Variants in GLIS3 observed in about 807,000 individuals in gnomAD.
GLIS3 encodes the protein zinc finger protein GLIS3.
In GLIS3, 53 loss-of-function variants were observed where a neutral mutation model predicts 78.6. The observed-to-expected ratio is 0.67, with a 90% CI of 0.54 to 0.85. The LOEUF (loss-of-function observed/expected upper bound fraction) is 0.85. GLIS3 is among the 40% of genes least tolerant of loss of function. GLIS3 has a pLI of 0.00. For missense variants in GLIS3, 1,703 were observed against 1,231.1 expected (o/e 1.38, Z -5.74); for synonymous variants, 684 against 509.9 (o/e 1.34, Z -4.60).
chr9:4,029,632 T>A (rs541610875), intron 4 of GLIS3, among the ~76,000 whole-genome samples: 2 of 147,424 alleles, frequency 1.4e-5, no homozygotes, highest in East Asian at 2.2e-4. Flanking sequence ...ATGGTAACCA[T>A]CCTTCTATTC....
In GLIS3 at chr9:3,972,024, T is replaced by C. The variant is rs959073355; in HGVS notation, c.1711-34835A>G. Among the ~76,000 whole-genome samples, 4 of 152,300 alleles carry C rather than the reference T, an allele frequency of 2.6e-5. No homozygotes were observed. The East Asian group carries it at 5.8e-4, about 22-fold the overall frequency. ...GGGGCTTTTGTTCAGAAAGGTGTTT[T>C]GGGACACTTACTGCTCACGTAACAC... On this transcript the variant is annotated intron_variant, in intron 4 of 10. Transcript: ENST00000381971.
the GLIS3 span, among the ~76,000 whole-genome samples, chr9:4,438,936 T>A: frequency 6.6e-6 from 1 of 152,190 alleles, no homozygotes; most frequent in African/African-American, 2.4e-5. Context: ...ATACACATGT[T>A]TTGTATAATC....
rs181596632 is a variant in GLIS3 at position 4,126,064 on chromosome 9, T to C, written c.389-123A>G. On this transcript the variant is annotated intron_variant, in intron 2 of 10. Coordinates refer to ENST00000381971, the MANE Select transcript of GLIS3 (RefSeq NM_001042413.2). The stretch of plus-strand genomic sequence containing the variant: ...ACAGTCCTCAGATCATTTTTTTTTT[T>C]AGTATTGGTGATAGCAAAAGGCTTT... The C allele has an allele frequency of 2.0e-4, 151 of 747,516 alleles. No individual in the cohort carries two copies. The East Asian group carries it at 4.0e-3, about 20-fold the overall frequency. 46.3% of individuals were successfully genotyped at this position (747,516 alleles called of 1,614,324 possible).
intron 4 of GLIS3, among the ~76,000 whole-genome samples, chr9:4,094,937 C>T (rs1024578723): frequency 2.6e-5 from 4 of 152,082 alleles, no homozygotes; most frequent in African/African-American, 4.8e-5. Flanking sequence ...TCATGGAGCA[C>T]ATAGTGATGT....
intron 4 of GLIS3, among the ~76,000 whole-genome samples, chr9:4,107,925 G>A (rs917535460): frequency 1.3e-5 from 2 of 151,932 alleles, no homozygotes; most frequent in Non-Finnish European, 2.9e-5. Context: ...AAACCTCTAC[G>A]TATCCATCAT....
chr9:4,283,658 G>C (rs1031644202), intron 2 of GLIS3, among the ~76,000 whole-genome samples: 9 of 152,158 alleles, frequency 5.9e-5, no homozygotes, highest in African/African-American at 1.9e-4. Context: ...TGCATCTCCA[G>C]AACAGTGGCT....
intron 4 of GLIS3, among the ~76,000 whole-genome samples, chr9:3,953,760 G>GCTCCCCCTCTCTCTCTCTCTCTCT: frequency 9.7e-6 from 1 of 103,380 alleles, no homozygotes; most frequent in African/African-American, 3.7e-5. Flanking sequence ...AATTAGATTT[G>GCTCCCCCTCTCTCTCTCTCTCTCT]CTCTCTCTCT....
intron 2 of GLIS3, among the ~76,000 whole-genome samples, chr9:4,168,196 C>T (rs896612393): frequency 4.6e-5 from 7 of 152,054 alleles, no homozygotes; most frequent in Admixed American, 1.3e-4. Context: ...CACACACAGA[C>T]GCACACACAC....
the GLIS3 span, among the ~76,000 whole-genome samples, chr9:4,433,265 C>G: frequency 2.9e-4 from 44 of 152,198 alleles, no homozygotes; most frequent in Non-Finnish European, 5.9e-4. Flanking sequence ...AACCCTGTCT[C>G]TACTAAAAAT....
chr9:4,320,996 T>C (rs2130545920), intron 2 of GLIS3, among the ~76,000 whole-genome samples: 1 of 152,144 alleles, frequency 6.6e-6, no homozygotes, highest in Admixed American at 6.5e-5. Flanking sequence ...GAGAAGGCTG[T>C]AAGTCTCTGC....
At chr9:4,202,345 G>A (rs1819480836) in intron 2 of GLIS3, among the ~76,000 whole-genome samples, 1 of 150,824 alleles carries the variant, frequency 6.6e-6, no homozygotes, top group Non-Finnish European at 1.5e-5. Flanking sequence ...TAGAGACAGG[G>A]TTTCACCATG....
chr9:4,413,315 G>A, the GLIS3 span, among the ~76,000 whole-genome samples: 1 of 152,252 alleles, frequency 6.6e-6, no homozygotes, highest in South Asian at 2.1e-4. Flanking sequence ...TCACACCATT[G>A]TGTTTAATAT....
chr9:4,025,551 C>T (rs971211408), intron 4 of GLIS3, among the ~76,000 whole-genome samples: 4 of 152,032 alleles, frequency 2.6e-5, no homozygotes, highest in East Asian at 1.9e-4. Context: ...CCATGCCTGG[C>T]TAATTTTTGT....
intron 4 of GLIS3, among the ~76,000 whole-genome samples, chr9:4,072,137 C>T (rs1176672834): frequency 6.6e-6 from 1 of 152,170 alleles, no homozygotes; most frequent in Non-Finnish European, 1.5e-5. Flanking sequence ...TTATCCTTTA[C>T]TTCCATTCTG....
chr9:4,487,652 C>A, the GLIS3 span, among the ~76,000 whole-genome samples: 3 of 151,698 alleles, frequency 2.0e-5, no homozygotes, highest in Admixed American at 2.0e-4. Flanking sequence ...GCCCTATCTA[C>A]AACTGTAATG....
At chr9:4,187,300 A>G (rs148814000) in intron 2 of GLIS3, among the ~76,000 whole-genome samples, 1 of 152,162 alleles carries the variant, frequency 6.6e-6, no homozygotes, top group Non-Finnish European at 1.5e-5. Flanking sequence ...AAGATCAGAT[A>G]CTTGTAGATA....
At chr9:4,393,477 T>C in the GLIS3 span, among the ~76,000 whole-genome samples, 5 of 152,228 alleles carry the variant, frequency 3.3e-5, no homozygotes, top group African/African-American at 4.8e-5. Flanking sequence ...TCTTCATCCA[T>C]TGCCTTATAA....
intron 2 of GLIS3, among the ~76,000 whole-genome samples, chr9:4,243,337 T>C (rs910105319): frequency 6.6e-6 from 1 of 152,056 alleles, no homozygotes; most frequent in African/African-American, 2.4e-5. Context: ...CTTTCCCTGG[T>C]AGTCAGGTGA....
At chr9:3,932,931 G>T (rs1021662829) in intron 5 of GLIS3, 5 of 302,394 alleles carry the variant, frequency 1.7e-5, no homozygotes, top group Non-Finnish European at 2.7e-5. Context: ...GATTCAGAAA[G>T]AGAAAGGGAG....
Sources: gnomAD v4.1 joint callset for allele counts (sites outside exome capture counted in the v4.1 genomes callset) on GRCh38, gnomAD v4.1.1 for gene constraint, MANE v1.5 for transcripts, NCBI Gene and HGNC (gene_info 2026-07-23, HGNC 2026-07-21) for gene names.